Variants in CAMTA1 observed in about 807,000 individuals in gnomAD.
The protein encoded by CAMTA1 is calmodulin binding transcription activator 1, also known as calmodulin-binding transcription activator 1.
In CAMTA1, 27 loss-of-function variants were observed where a neutral mutation model predicts 170.9. That is an observed-to-expected ratio of 0.16 (90% CI 0.12 to 0.22). CAMTA1 has a LOEUF of 0.22. Ranked by LOEUF, CAMTA1 falls within the 10% of genes least tolerant of loss-of-function variation. The probability of loss-of-function intolerance (pLI) is 1.00; values close to 1 mark genes in which losing one functional copy is unlikely to be tolerated. For synonymous variants in CAMTA1, 833 were observed against 891.5 expected (o/e 0.93, Z 1.17); for missense variants, 1,619 against 2,217.2 (o/e 0.73, Z 5.42).
At chr1:7,503,425 C>T (rs2094043411) in intron 6 of CAMTA1, among the ~76,000 whole-genome samples, 1 of 152,150 alleles carries the variant, frequency 6.6e-6, no homozygotes, top group Non-Finnish European at 1.5e-5. Context: ...GGTAATACAG[C>T]CAGCCCAGGT....
intron 5 of CAMTA1, among the ~76,000 whole-genome samples, chr1:7,309,287 A>ATTTTTTTTTT (rs34401498): frequency 1.4e-5 from 1 of 70,462 alleles, no homozygotes. Context: ...CAGTTAGAAA[A>ATTTTTTTTTT]TTTTTTTTTT....
chr1:7,591,073 T>C (rs887246107), intron 6 of CAMTA1, among the ~76,000 whole-genome samples: 1 of 152,126 alleles, frequency 6.6e-6, no homozygotes, highest in Non-Finnish European at 1.5e-5. Flanking sequence ...TCCCCCATAA[T>C]GGGAAGAGTA....
intron 5 of CAMTA1, among the ~76,000 whole-genome samples, chr1:7,342,399 C>T (rs2083901469): frequency 6.6e-6 from 1 of 152,178 alleles, no homozygotes; most frequent in African/African-American, 2.4e-5. Flanking sequence ...CATGGGGGCA[C>T]AGCAGCAGGA....
intron 6 of CAMTA1, among the ~76,000 whole-genome samples, chr1:7,513,389 T>C (rs903815598): frequency 1.3e-5 from 2 of 152,104 alleles, no homozygotes; most frequent in African/African-American, 4.8e-5. Context: ...AGGGCAGCCA[T>C]GCAAAGCAGC....
intron 3 of CAMTA1, among the ~76,000 whole-genome samples, chr1:6,893,544 T>C (rs1359753244): frequency 1.3e-5 from 2 of 152,236 alleles, no homozygotes; most frequent in African/African-American, 4.8e-5. Flanking sequence ...TCTGAGATCA[T>C]CCCTGTTGAT....
At chr1:7,222,528 T>C (rs930093438) in intron 4 of CAMTA1, among the ~76,000 whole-genome samples, 41 of 152,314 alleles carry the variant, frequency 2.7e-4, no homozygotes, top group East Asian at 7.7e-4. Flanking sequence ...ACATAGTGGC[T>C]GTGCTCAGGC....
At chr1:7,029,526 A>C (rs1015804939) in intron 3 of CAMTA1, among the ~76,000 whole-genome samples, 1 of 149,748 alleles carries the variant, frequency 6.7e-6, no homozygotes, top group African/African-American at 2.5e-5. Context: ...CAAGGGCTCT[A>C]CTGGTCAGCT....
chr1:7,068,874 A>C (rs1638225954), intron 3 of CAMTA1, among the ~76,000 whole-genome samples: 1 of 152,170 alleles, frequency 6.6e-6, no homozygotes, highest in South Asian at 2.1e-4. Flanking sequence ...GGCCAAGCAG[A>C]TATATCAGCA....
At chr1:7,657,497 C>T (rs997277940) in intron 7 of CAMTA1, among the ~76,000 whole-genome samples, 2 of 152,224 alleles carry the variant, frequency 1.3e-5, no homozygotes, top group Non-Finnish European at 2.9e-5. Flanking sequence ...CATGACCTTA[C>T]ATGTCATGGG....
At chr1:7,719,704 G>T (rs2096636895) in intron 11 of CAMTA1, among the ~76,000 whole-genome samples, 1 of 152,168 alleles carries the variant, frequency 6.6e-6, no homozygotes, top group African/African-American at 2.4e-5. Flanking sequence ...ATCTTAAACG[G>T]CTTGCCAGGG....
intron 5 of CAMTA1, among the ~76,000 whole-genome samples, chr1:7,414,256 G>A (rs1251838101): frequency 1.3e-5 from 2 of 152,172 alleles, no homozygotes; most frequent in Admixed American, 1.3e-4. Context: ...TTGGTATCAG[G>A]ATGATGCTGG....
At chr1:7,245,745 C>T (rs866536273) in intron 4 of CAMTA1, among the ~76,000 whole-genome samples, 111 of 151,200 alleles carry the variant, frequency 7.3e-4, no homozygotes, top group African/African-American at 2.7e-3. Context: ...CTGTGGCTGT[C>T]TCACACCATC....
At chr1:6,962,042 C>T (rs760567062) in intron 3 of CAMTA1, among the ~76,000 whole-genome samples, 1 of 151,846 alleles carries the variant, frequency 6.6e-6, no homozygotes, top group Non-Finnish European at 1.5e-5. Context: ...CCGGGCTGTC[C>T]CCAAACGTGT....
intron 3 of CAMTA1, among the ~76,000 whole-genome samples, chr1:6,843,889 G>A (rs951812636): frequency 1.3e-5 from 2 of 152,194 alleles, no homozygotes; most frequent in African/African-American, 4.8e-5. Flanking sequence ...GACACCATCA[G>A]GTGTCAGCAA....
rs951270747 is a variant in CAMTA1, at chr1:7,299,750, C to T, written c.438+50124C>T. Among the ~76,000 whole-genome samples the T allele has an allele frequency of 1.3e-5, 2 of 152,234 alleles. No homozygotes were observed. The highest frequency in any genetic ancestry group is 2.9e-5 in the Non-Finnish European group (2 of 68,042). ...TACAAGGAGGTGTTCCAACCCCTCACTGAGACAGGATTTCTAGCCCCTCTC... is the reference window on the plus strand; with the variant it reads ...TACAAGGAGGTGTTCCAACCCCTCATTGAGACAGGATTTCTAGCCCCTCTC... On this transcript the variant is annotated intron_variant, in intron 5 of 22. Transcript: ENST00000303635. This position sits in a 1 kb window ranked among gnomAD's most constrained non-coding sequence, Gnocchi z 4.7.
intron 5 of CAMTA1, among the ~76,000 whole-genome samples, chr1:7,375,341 C>T (rs1401087860): frequency 6.6e-6 from 1 of 152,148 alleles, no homozygotes; most frequent in East Asian, 1.9e-4. Flanking sequence ...CCAACCCAGC[C>T]CCTGACCCGA....
intron 6 of CAMTA1, among the ~76,000 whole-genome samples, chr1:7,586,112 G>A (rs1357746806): frequency 1.3e-5 from 2 of 151,946 alleles, no homozygotes; most frequent in African/African-American, 2.4e-5. Context: ...GGAGGAAGGC[G>A]CCCACTCCCA....
At chr1:7,600,411 T>C (rs1331922545) in intron 6 of CAMTA1, among the ~76,000 whole-genome samples, 1 of 152,170 alleles carries the variant, frequency 6.6e-6, no homozygotes, top group African/African-American at 2.4e-5. Flanking sequence ...CTTTTTTTGT[T>C]GTGTCTCTGC....
At position 6,937,086 on chromosome 1, in the gene CAMTA1, A is replaced by G. The variant is rs115209863; in HGVS notation, c.234+111876A>G. On this transcript the variant is annotated intron_variant, in intron 3 of 22. Coordinates refer to ENST00000303635, the MANE Select transcript of CAMTA1 (RefSeq NM_015215.4). ...ACCATCATAACCATCACTTATCACC[A>G]TCACCATTCACCACTTACCATCACC... Among the ~76,000 whole-genome samples the G allele has an allele frequency of 1.5e-3, 226 of 151,832 alleles. 1 individual carries two copies. Among genetic ancestry groups the G allele is most frequent in the African/African-American group, 5.0e-3 (208 of 41,394 alleles).
Sources: allele counts gnomAD v4.1 joint callset (sites outside exome capture counted in the v4.1 genomes callset), GRCh38; gene constraint gnomAD v4.1.1; non-coding constraint Gnocchi (gnomAD v3.1); transcripts MANE v1.5; gene names NCBI Gene and HGNC (gene_info 2026-07-23, HGNC 2026-07-21).